The following CTNNA3 variants were observed in gnomAD, a reference collection of about 807,000 sequenced individuals.
The protein encoded by CTNNA3 is catenin alpha-3.
A neutral mutation model predicts 95.7 loss-of-function variants in CTNNA3; 76 were observed. That is an observed-to-expected ratio of 0.79 (90% CI 0.66 to 0.96). CTNNA3 has a LOEUF of 0.96. Among genes scored for constraint, CTNNA3 ranks in the 40% least tolerant of loss-of-function variants. The pLI, the probability that CTNNA3 is intolerant of heterozygous loss-of-function variation, is 0.00. For missense variants in CTNNA3, 1,191 were observed against 1,089.8 expected (o/e 1.09, Z -1.31); for synonymous variants, 431 against 374.4 (o/e 1.15, Z -1.74).
intron 12 of CTNNA3, among the ~76,000 whole-genome samples, chr10:66,293,245 T>C (rs1006725137): frequency 5.3e-5 from 8 of 152,130 alleles, no homozygotes; most frequent in Non-Finnish European, 1.0e-4. Context: ...AAAATGTAGA[T>C]TTTAATTATG....
intron 13 of CTNNA3, among the ~76,000 whole-genome samples, chr10:66,257,782 A>G (rs1279039123): frequency 6.6e-6 from 1 of 152,186 alleles, no homozygotes; most frequent in Non-Finnish European, 1.5e-5. Context: ...TTAGCTGTAA[A>G]GGAATCAGAT....
intron 3 of CTNNA3, among the ~76,000 whole-genome samples, chr10:67,576,722 A>G (rs1320538380): frequency 2.2e-5 from 2 of 92,894 alleles, no homozygotes; most frequent in East Asian, 9.1e-4. Flanking sequence ...ACCCCACAAC[A>G]GTCCCCAGAG....
chr10:66,331,114 T>C (rs1054400100), intron 12 of CTNNA3, among the ~76,000 whole-genome samples: 8 of 152,124 alleles, frequency 5.3e-5, no homozygotes, highest in Admixed American at 1.3e-4. Context: ...CCATTGCTTT[T>C]GGTGTCTTAG....
intron 7 of CTNNA3, among the ~76,000 whole-genome samples, chr10:66,796,565 G>A (rs1589263892): frequency 6.6e-6 from 1 of 151,974 alleles, no homozygotes; most frequent in Admixed American, 6.6e-5. Flanking sequence ...GGCATGAAAC[G>A]AGTTTATGCT....
At chr10:67,468,856 C>T (rs1847703502) in intron 5 of CTNNA3, among the ~76,000 whole-genome samples, 1 of 152,114 alleles carries the variant, frequency 6.6e-6, no homozygotes, top group Non-Finnish European at 1.5e-5. Flanking sequence ...TGTGAATACC[C>T]CCACTGAAAT....
In CTNNA3 at chr10:66,065,254, T is replaced by C. The variant is rs1015095286; in HGVS notation, c.2159+4054A>G. On this transcript the variant is annotated intron_variant, in intron 15 of 17. Transcript: ENST00000433211. ...GGTTTTTTTTTGTTTTGTTTTGTTT[T>C]GTTTTCCCTTCTCACTAACCATTTA... Among the ~76,000 whole-genome samples the C allele has an allele frequency of 2.0e-5, 3 of 152,156 alleles. No individual in the cohort carries two copies. In the South Asian group the frequency reaches 6.2e-4, roughly 32 times the overall value.
At chr10:67,740,884 C>A (rs1187450385) in intron 1 of CTNNA3, among the ~76,000 whole-genome samples, 1 of 151,264 alleles carries the variant, frequency 6.6e-6, no homozygotes, top group Non-Finnish European at 1.5e-5. Context: ...GCACTATTCA[C>A]AATAGCAAAG....
intron 10 of CTNNA3, among the ~76,000 whole-genome samples, chr10:66,571,943 A>T (rs145886375): frequency 6.6e-6 from 1 of 152,206 alleles, no homozygotes; most frequent in Non-Finnish European, 1.5e-5. Context: ...GTGTGTATTC[A>T]TACTAGTTGT....
Position 65,916,646 on chromosome 10 carries a change from C to A in CTNNA3, c.*3684G>T, listed in dbSNP as rs1003874690. On this transcript the variant is annotated 3_prime_UTR_variant, in exon 18 of 18. Transcript: ENST00000433211. ...AAAATTCATAATTTTGACTAAAACT[C>A]TGTAAAATTTATTAGTCAATTTATA... 1.3e-5 allele frequency: 2 copies of A among 152,100 alleles called. No homozygotes were observed. The highest frequency in any genetic ancestry group is 2.9e-5 in the Non-Finnish European group (2 of 68,008). The allele number at this position is 152,100 out of a possible 1,614,324, so 9.4% of individuals were successfully genotyped here.
At chr10:66,417,078 T>A (rs1451716637) in intron 11 of CTNNA3, among the ~76,000 whole-genome samples, 1 of 151,994 alleles carries the variant, frequency 6.6e-6, no homozygotes, top group Non-Finnish European at 1.5e-5. Flanking sequence ...AATTCTTCAC[T>A]TAAAAGCTAT....
rs1841356574 is a variant in CTNNA3 at position 66,799,707 on chromosome 10, AT to A, written c.1048-24184del. Among the ~76,000 whole-genome samples, 3 of 151,344 alleles carry A rather than the reference AT, an allele frequency of 2.0e-5. No individual in the cohort carries two copies. In the South Asian group the frequency reaches 6.2e-4, roughly 31 times the overall value. On this transcript the variant is annotated intron_variant, in intron 7 of 17. Transcript: ENST00000433211. ...ACTGAAAGCAATATTTGAAGAAATA[AT>A]GGCTGATAATTTTCCACACCCGAAG...
chr10:66,420,707 G>A (rs890725311), intron 11 of CTNNA3, among the ~76,000 whole-genome samples: 50 of 151,950 alleles, frequency 3.3e-4, no homozygotes, highest in African/African-American at 1.1e-3. Context: ...GCTGAGGCAG[G>A]AGAATCGCTT....
chr10:66,997,427 C>A (rs1443972400), intron 7 of CTNNA3, among the ~76,000 whole-genome samples: 3 of 152,176 alleles, frequency 2.0e-5, no homozygotes, highest in Admixed American at 1.3e-4. Context: ...GCACTTTAAG[C>A]ATGATTTAAT....
chr10:67,483,915 A>G (rs946488105), intron 5 of CTNNA3, among the ~76,000 whole-genome samples: 6 of 152,188 alleles, frequency 3.9e-5, no homozygotes, highest in Non-Finnish European at 7.3e-5. Context: ...AGCAATCTAC[A>G]GATTCAACAA....
chr10:67,643,785 T>G (rs1418931231), intron 2 of CTNNA3, among the ~76,000 whole-genome samples: 6 of 152,094 alleles, frequency 3.9e-5, no homozygotes, highest in South Asian at 2.1e-4. Flanking sequence ...TATGTGGCGC[T>G]TGGTTTTCTC....
intron 1 of CTNNA3, chr10:67,648,660 T>C (rs1208466888): frequency 3.0e-6 from 3 of 1,013,380 alleles, no homozygotes; most frequent in African/African-American, 1.7e-5. Flanking sequence ...TCTTCTCAAA[T>C]CAAAGTTTCA....
intron 9 of CTNNA3, among the ~76,000 whole-genome samples, chr10:66,730,105 GA>G (rs71035172): frequency 0.017 from 2,322 of 134,190 alleles, 15 homozygotes; most frequent in Middle Eastern, 0.031. Context: ...TACTCTGTCT[GA>G]AAAAAAAAAA....
intron 9 of CTNNA3, among the ~76,000 whole-genome samples, chr10:66,758,495 A>G (rs1839466258): frequency 6.6e-6 from 1 of 152,210 alleles, no homozygotes. Flanking sequence ...TGATTAAAAC[A>G]AAGTTTGGTT....
upstream of CTNNA3, among the ~76,000 whole-genome samples, chr10:67,697,733 A>G (rs1403485920): frequency 6.7e-6 from 1 of 149,246 alleles, no homozygotes; most frequent in African/African-American, 2.5e-5. Flanking sequence ...GTAATTTTAA[A>G]GAGCTTTTAT....
Sources: allele counts gnomAD v4.1 joint callset (sites outside exome capture counted in the v4.1 genomes callset), GRCh38; gene constraint gnomAD v4.1.1; transcripts MANE v1.5; gene names NCBI Gene and HGNC (gene_info 2026-07-23, HGNC 2026-07-21).